FBXL17: variants seen among roughly 807,000 people sequenced by gnomAD.
FBXL17 encodes the protein F-box and leucine rich repeat protein 17.
FBXL17 carries 22 observed loss-of-function variants against 66.2 expected under a neutral mutation model. The ratio of observed to expected loss-of-function variants is 0.33; its 90% confidence interval spans 0.24 to 0.47. FBXL17 has a LOEUF of 0.47. Ranked by LOEUF, FBXL17 falls within the 20% of genes least tolerant of loss-of-function variation. The pLI is 1.00. For missense variants in FBXL17, 878 were observed against 948.2 expected (o/e 0.93, Z 0.97); for synonymous variants, 474 against 400.5 (o/e 1.18, Z -2.19).
intron 4 of FBXL17, among the ~76,000 whole-genome samples, chr5:108,233,670 T>A (rs1450677774): frequency 6.6e-6 from 1 of 152,168 alleles, no homozygotes; most frequent in Non-Finnish European, 1.5e-5. Context: ...GCTACACTTT[T>A]ATAACTGCAT....
chr5:107,904,160 G>T (rs377010130), intron 7 of FBXL17, among the ~76,000 whole-genome samples: 3 of 152,092 alleles, frequency 2.0e-5, no homozygotes, highest in African/African-American at 7.2e-5. Context: ...GTACTCAAAA[G>T]CAACATGTCC....
intron 4 of FBXL17, among the ~76,000 whole-genome samples, chr5:108,301,590 T>C (rs925506532): frequency 2.0e-5 from 3 of 151,780 alleles, no homozygotes; most frequent in Non-Finnish European, 2.9e-5. Flanking sequence ...TTGTTTTAAA[T>C]TGCAGTACCA....
At chr5:107,868,492 C>T (rs1227900186) in intron 8 of FBXL17, among the ~76,000 whole-genome samples, 1 of 152,214 alleles carries the variant, frequency 6.6e-6, no homozygotes, top group African/African-American at 2.4e-5. Flanking sequence ...GCAGGCCTGA[C>T]CACGGGCCTT....
At position 108,148,678 on chromosome 5, in the gene FBXL17, A is replaced by G. The variant is rs114073825; in HGVS notation, c.1745+37439T>C. On this transcript the variant is annotated intron_variant, in intron 6 of 8. Coordinates refer to ENST00000542267, the MANE Select transcript of FBXL17 (RefSeq NM_001163315.3). Reference sequence around the variant, plus strand: ...AATCTATGCTAAAATGTGCCAACCTAAGAGTATAGTGAGGAAGACTCTGAA... The same window carrying G: ...AATCTATGCTAAAATGTGCCAACCTGAGAGTATAGTGAGGAAGACTCTGAA... Among the ~76,000 whole-genome samples, 574 of 152,338 alleles carry G rather than the reference A, an allele frequency of 3.8e-3. 6 individuals are homozygous for G. Among genetic ancestry groups the G allele is most frequent in the African/African-American group, 0.013 (558 of 41,580 alleles).
At chr5:108,260,901 C>G (rs888730904) in intron 4 of FBXL17, among the ~76,000 whole-genome samples, 1 of 152,036 alleles carries the variant, frequency 6.6e-6, no homozygotes, top group Non-Finnish European at 1.5e-5. Context: ...ATCTGCGATC[C>G]CCTGATTGTC....
chr5:108,167,978 T>C (rs1302645847), intron 6 of FBXL17, among the ~76,000 whole-genome samples: 2 of 152,128 alleles, frequency 1.3e-5, no homozygotes, highest in African/African-American at 2.4e-5. Context: ...CTTTTAGAGA[T>C]CATATCGTTG....
At chr5:108,374,571 G>A (rs1749291632) in intron 1 of FBXL17, among the ~76,000 whole-genome samples, 1 of 152,160 alleles carries the variant, frequency 6.6e-6, no homozygotes, top group Non-Finnish European at 1.5e-5. Context: ...AGGTACTAGA[G>A]AGGCTGAGGT....
At chr5:107,911,073 G>T (rs1473360469) in intron 7 of FBXL17, among the ~76,000 whole-genome samples, 1 of 152,006 alleles carries the variant, frequency 6.6e-6, no homozygotes, top group South Asian at 2.1e-4. Flanking sequence ...TAATATGAAA[G>T]AATATTATGT....
chr5:108,351,415 A>T (rs771791978), intron 3 of FBXL17, among the ~76,000 whole-genome samples: 1 of 152,150 alleles, frequency 6.6e-6, no homozygotes, highest in Non-Finnish European at 1.5e-5. Flanking sequence ...AGGAAGCCCA[A>T]CTAGTCTGAT....
chr5:108,150,441 T>C (rs1380856804), intron 6 of FBXL17, among the ~76,000 whole-genome samples: 2 of 152,152 alleles, frequency 1.3e-5, no homozygotes, highest in Non-Finnish European at 2.9e-5. Flanking sequence ...TGAGCTCAAG[T>C]AATCCTCTGG....
intron 7 of FBXL17, among the ~76,000 whole-genome samples, chr5:107,920,907 C>T (rs1052713638): frequency 1.3e-5 from 2 of 152,098 alleles, no homozygotes; most frequent in African/African-American, 4.8e-5. Context: ...CACAATCTCA[C>T]TAGGAACTAA....
intron 6 of FBXL17, among the ~76,000 whole-genome samples, chr5:108,131,754 T>C (rs1407418663): frequency 1.3e-5 from 2 of 152,174 alleles, no homozygotes; most frequent in Non-Finnish European, 2.9e-5. Flanking sequence ...ACAGTAATTA[T>C]GGTTTCATTA....
intron 7 of FBXL17, among the ~76,000 whole-genome samples, chr5:107,942,671 C>T (rs1751147748): frequency 6.6e-6 from 1 of 152,046 alleles, no homozygotes; most frequent in Non-Finnish European, 1.5e-5. Flanking sequence ...ATGACTACTA[C>T]TCTGGGATTT....
At chr5:108,305,163 C>A (rs1758777104) in intron 4 of FBXL17, among the ~76,000 whole-genome samples, 1 of 151,974 alleles carries the variant, frequency 6.6e-6, no homozygotes, top group African/African-American at 2.4e-5. Context: ...GTTCAGAAAA[C>A]CACATATGGA....
In FBXL17 at chr5:108,381,231, T is replaced by C; in HGVS notation, c.461A>G (p.Gln154Arg). 15 of 1,446,088 alleles carry C rather than the reference T, an allele frequency of 1.0e-5. No homozygotes were observed. The highest frequency in any genetic ancestry group is 1.4e-5 in the Non-Finnish European group (15 of 1,101,734). The allele number at this position is 1,446,088 out of a possible 1,614,324, so 89.6% of individuals were successfully genotyped here. A position where few individuals can be genotyped will look rare whatever the true frequency, so the allele number is the denominator to read the frequency against. Residue 154 changes from glutamine to arginine, a missense_variant, in exon 1 of 9, where the codon CAG becomes CGG. By Grantham distance (43) the Gln-to-Arg change is conservative. Transcript: ENST00000542267. ...LGLAAAAAWE[Q>R]QGRSLFLASL... is the part of the protein sequence containing the mutation. ...GGCCAGGAAGAGACTTCGGCCCTGC[T>C]GCTCCCAGGCGGCGGCCGCAGCCAG...
intron 8 of FBXL17, among the ~76,000 whole-genome samples, chr5:107,871,065 A>AC (rs1365938173): frequency 6.7e-6 from 1 of 149,472 alleles, no homozygotes; most frequent in African/African-American, 2.5e-5. Flanking sequence ...GGCAAAAAAA[A>AC]AAAAAAAAAA....
At chr5:108,061,419 G>A (rs948271078) in intron 6 of FBXL17, among the ~76,000 whole-genome samples, 1 of 152,076 alleles carries the variant, frequency 6.6e-6, no homozygotes, top group Non-Finnish European at 1.5e-5. Flanking sequence ...GAAGAGAAGA[G>A]AGAAAATGAG....
At chr5:108,143,680 G>A (rs1400411128) in intron 6 of FBXL17, among the ~76,000 whole-genome samples, 2 of 146,932 alleles carry the variant, frequency 1.4e-5, no homozygotes, top group African/African-American at 5.1e-5. Flanking sequence ...CTGAGGTAAA[G>A]GTGCTTCTAT....
chr5:108,031,670 C>CA (rs991430113), intron 6 of FBXL17, among the ~76,000 whole-genome samples: 9 of 151,608 alleles, frequency 5.9e-5, no homozygotes, highest in African/African-American at 2.2e-4. Flanking sequence ...ACTGGTCTCT[C>CA]AAAAAAAAGT....
Sources: allele counts gnomAD v4.1 joint callset (sites outside exome capture counted in the v4.1 genomes callset), GRCh38; gene constraint gnomAD v4.1.1; transcripts MANE v1.5; gene names NCBI Gene and HGNC (gene_info 2026-07-23, HGNC 2026-07-21).